ODC1: variants seen among roughly 807,000 people sequenced by gnomAD.
ODC1 encodes the protein ornithine decarboxylase.
ODC1 carries 18 observed loss-of-function variants against 41.5 expected under a neutral mutation model. That is an observed-to-expected ratio of 0.43 (90% CI 0.30 to 0.64). The LOEUF (loss-of-function observed/expected upper bound fraction) is 0.64. Ranked by LOEUF, ODC1 falls within the 30% of genes least tolerant of loss-of-function variation. The pLI, the probability that ODC1 is intolerant of heterozygous loss-of-function variation, is 0.11. For synonymous variants in ODC1, 218 were observed against 211.6 expected (o/e 1.03, Z -0.26); for missense variants, 504 against 589.0 (o/e 0.86, Z 1.49).
rs769066524 is a variant in ODC1, at chr2:10,441,586, A to C, written c.1164T>G (p.Ala388=). The C allele has an allele frequency of 8.7e-6, 14 of 1,614,192 alleles. No homozygotes were observed. The South Asian group carries it at 1.4e-4, about 16-fold the overall frequency. The change falls in exon 11 of 12, where the codon GCT becomes GCG. Residue 388 remains alanine (A), a synonymous_variant. Transcript: ENST00000234111. ...ACGTAGAGGCAGCAGCAACAGTGTA[A>C]GCGCCCATGTTTTCAAAGAGCATCC... ...GDWMLFENMG[A]YTVAAASTFN... is the part of the protein sequence containing the mutation.
rs1470452817 is a variant in ODC1 at position 10,441,928 on chromosome 2, G to C, written c.915C>G (p.Asp305Glu). Reference sequence around the variant, plus strand: ...AGGTCTGCTCACTCGACTCATCTTCGTCTAGAAAGGCAGATCAACAATCTT... The same window carrying C: ...AGGTCTGCTCACTCGACTCATCTTCCTCTAGAAAGGCAGATCAACAATCTT... Reference protein sequence around the residue: ...IVLKEQTGSDDEDESSEQTFM... With the variant: ...IVLKEQTGSDEEDESSEQTFM... Residue 305 changes from aspartate (D) to glutamate (E), a missense_variant and splice_region_variant, in exon 10 of 12, where the codon GAC (aspartate) becomes GAG (glutamate). By Grantham distance (45) the Asp-to-Glu change is conservative (BLOSUM62 2). Transcript: ENST00000234111. 1 of 1,613,718 alleles carries C rather than the reference G, an allele frequency of 6.2e-7. No individual in the cohort carries two copies. The highest frequency in any genetic ancestry group is 8.5e-7 in the Non-Finnish European group (1 of 1,179,830).
rs1671837223 is a variant in ODC1, at chr2:10,441,957, G to A, written c.914-28C>T. 6 of 1,613,006 alleles carry A rather than the reference G, an allele frequency of 3.7e-6. No homozygotes were observed. The East Asian group carries it at 6.7e-5, about 18-fold the overall frequency. ...AGAAAGGCAGATCAACAATCTTAAT[G>A]ACTTTTTGCATCAGCTTTCAGTTAT... On this transcript the variant is annotated intron_variant, in intron 9 of 11. Coordinates refer to ENST00000234111, the MANE Select transcript of ODC1 (RefSeq NM_002539.3).
rs373334646 is a variant in ODC1 at position 10,444,514 on chromosome 2, G to T, written c.236C>A (p.Thr79Asn). ...KCNDSKAIVK[T>N]LAATGTGFDC... ...AAATCCTGTCCCGGTAGCAGCAAGG[G>T]TCTTCACGATGGCTTTGCTATCATT... Residue 79 changes from threonine (T) to asparagine (N), a missense_variant, in exon 4 of 12, where the codon ACC becomes AAC. Coordinates refer to ENST00000234111, the MANE Select transcript of ODC1 (RefSeq NM_002539.3). 3.7e-5 allele frequency: 60 copies of T among 1,613,634 alleles called. No individual in the cohort carries two copies. Among genetic ancestry groups the T allele is most frequent in the Non-Finnish European group, 4.4e-5 (52 of 1,179,932 alleles).
At chr2:10,441,125 T>A (rs968462703) in intron 11 of ODC1, among the ~76,000 whole-genome samples, 4 of 152,126 alleles carry the variant, frequency 2.6e-5, no homozygotes, top group Admixed American at 1.3e-4. Flanking sequence ...ACTAATTTTT[T>A]AATTTTTTGT....
In ODC1 at chr2:10,443,495, T is replaced by C. The variant is rs373045430; in HGVS notation, c.661A>G (p.Met221Val). 11 of 1,613,860 alleles carry C rather than the reference T, an allele frequency of 6.8e-6. No individual in the cohort carries two copies. Among genetic ancestry groups the C allele is most frequent in the Non-Finnish European group, 9.3e-6 (11 of 1,179,820 alleles). The stretch of plus-strand genomic sequence containing the variant: ...ACAGGGTCACGTATACTCACCCCCA[T>C]GTCAAAAACACAGCGGGCATCAGAG... ...AISDARCVFDMGAEVGFSMYL... is the reference protein window; with the variant it reads ...AISDARCVFDVGAEVGFSMYL... Residue 221 changes from methionine (M) to valine (V), a missense_variant, in exon 7 of 12, where the codon ATG becomes GTG. Met to Val is a conservative substitution (Grantham distance 21). Coordinates refer to ENST00000234111, the MANE Select transcript of ODC1 (RefSeq NM_002539.3).
At chr2:10,443,135 A>G (rs908857651) in intron 8 of ODC1, 95 bp downstream of exon 8, 4 of 907,604 alleles carry the variant, frequency 4.4e-6, no homozygotes, top group Non-Finnish European at 7.2e-6. Context: ...ACTTCAGCCC[A>G]TTGTGGTATT....
chr2:10,447,820 A>T (rs1672080597), intron 1 of ODC1: 1 of 152,190 alleles, frequency 6.6e-6, no homozygotes, highest in Non-Finnish European at 1.5e-5. Context: ...CGGCCGCCGA[A>T]GGGTTGGGAA....
rs776409985 is a variant in ODC1 at position 10,443,356 on chromosome 2, C to CA, written c.667-44dup. 1.1e-5 allele frequency: 17 copies of CA among 1,587,684 alleles called. No individual in the cohort carries two copies. The Admixed American group carries it at 2.3e-4, about 21-fold the overall frequency. ...AGTCAGCCAGATCCACAGCTAATAA[C>CA]AAAAATGTATGCAGCAGATAGGCTG... On this transcript the variant is annotated intron_variant, in intron 7 of 11. Coordinates refer to ENST00000234111, the MANE Select transcript of ODC1 (RefSeq NM_002539.3).
rs1272725496 is a variant in ODC1 at position 10,444,577 on chromosome 2, G to A, written c.173C>T (p.Ala58Val). Residue 58 changes from alanine (A) to valine (V), a missense_variant, in exon 4 of 12, where the codon GCT (alanine) becomes GTT (valine). Ala to Val is a moderately conservative substitution (Grantham distance 64). Around this residue, in one of 3 missense-constraint regions of ODC1, gnomAD observed 447 missense variants for 524.4 expected, o/e 0.85. Coordinates refer to ENST00000234111, the MANE Select transcript of ODC1 (RefSeq NM_002539.3). ...ILKKHLRWLK[A>V]LPRVTPFYAV... ...ATAAAAGGGGGTGACACGAGGGAGA[G>A]CTTTTAACCACCTCAGATGTTTCTT... 7 of 1,614,072 alleles carry A rather than the reference G, an allele frequency of 4.3e-6. No homozygotes were observed. The highest frequency in any genetic ancestry group is 2.7e-5 in the African/African-American group (2 of 75,018).
rs1035445866 is a variant in ODC1, at chr2:10,443,823, T to C, written c.463A>G (p.Ile155Val). 2 of 1,613,918 alleles carry C rather than the reference T, an allele frequency of 1.2e-6. No individual in the cohort carries two copies. The highest frequency in any genetic ancestry group is 1.1e-5 in the South Asian group (1 of 91,066). ...ACTGCTTTGGAATCATCAGTGGCAA[T>C]CCGCAAAACCAACCTACAAGCAAGG... ...AHPKAKLVLR[I>V]ATDDSKAVCR... The change falls in exon 6 of 12, where the codon ATT (isoleucine) becomes GTT (valine). Residue 155 changes from isoleucine (I) to valine (V), a missense_variant. Physicochemically the swap from Ile to Val is conservative, Grantham distance 29. This residue lies in a region of ODC1 where 447 missense variants were observed against 524.4 expected (regional missense o/e 0.85). Transcript: ENST00000234111.
In ODC1 at chr2:10,445,185, A is replaced by C. The variant is rs2302614; in HGVS notation, c.-48T>G. The C allele has an allele frequency of 0.12, 66,558 of 574,910 alleles. 8,751 individuals are homozygous for C. Among genetic ancestry groups the C allele is most frequent in the East Asian group, 0.55 (18,241 of 33,468 alleles). 35.6% of individuals were successfully genotyped at this position (574,910 alleles called of 1,614,324 possible). The stretch of plus-strand genomic sequence containing the variant: ...AAACTAAGAGATGGAATTGAAAGAA[A>C]TATTTCCAGCTTCTCACAAAGGCAA... On this transcript the variant is annotated 5_prime_UTR_variant, in exon 2 of 12. Coordinates refer to ENST00000234111, the MANE Select transcript of ODC1 (RefSeq NM_002539.3).
chr2:10,444,219 T>G lies in ODC1; in HGVS notation c.325A>C (p.Ile109Leu). 6.2e-7 allele frequency: 1 copy of G among 1,611,330 alleles called. No homozygotes were observed. Among genetic ancestry groups the G allele is most frequent in the Non-Finnish European group, 8.5e-7 (1 of 1,179,086 alleles). The change falls in exon 5 of 12, where the codon ATC (isoleucine) becomes CTC (leucine). Residue 109 changes from isoleucine to leucine, a missense_variant. Physicochemically the swap from Ile to Leu is conservative, Grantham distance 5. Coordinates refer to ENST00000234111, the MANE Select transcript of ODC1 (RefSeq NM_002539.3). The stretch of plus-strand genomic sequence containing the variant: ...ACTTGTTTACAAGGATTTGCATAGA[T>G]AATCCTCTCTGGAGGCACCCCCAGA... ...QSLGVPPERI[I>L]YANPCKQVSQ...
At chr2:10,444,381 T>A in intron 4 of ODC1, 93 bp downstream of exon 4, 1 of 1,507,498 alleles carries the variant, frequency 6.6e-7, no homozygotes, top group East Asian at 2.3e-5. Context: ...TTAGTGAGCA[T>A]TTATTGCCCA....
At position 10,443,529 on chromosome 2, in the gene ODC1, C is replaced by A. The variant is rs764510141; in HGVS notation, c.627G>T (p.Val209=). 1 of 1,614,046 alleles carries A rather than the reference C, an allele frequency of 6.2e-7. No homozygotes were observed. The highest frequency in any genetic ancestry group is 1.7e-5 in the Admixed American group (1 of 60,010). Residue 209 remains valine (V), a synonymous_variant, in exon 7 of 12, where the codon GTG becomes GTT. Coordinates refer to ENST00000234111, the MANE Select transcript of ODC1 (RefSeq NM_002539.3). ...GSGCTDPETF[V]QAISDARCVF... ...CACAGCGGGCATCAGAGATTGCCTG[C>A]ACGAAGGTCTCAGGATCGGTACAGC...
chr2:10,446,716 C>G (rs1672025578), intron 1 of ODC1: 2 of 445,926 alleles, frequency 4.5e-6, no homozygotes, highest in Non-Finnish European at 8.6e-6. Context: ...TTCTTTTCCA[C>G]TGTGCAACCC....
chr2:10,440,669 C>T lies in ODC1; in HGVS notation c.*55G>A. ...TAGCAGTAATTAAGTTACATGGTCC[C>T]CCCAAATCCCTTAATTCAAGCTAAA... On this transcript the variant is annotated 3_prime_UTR_variant, in exon 12 of 12. Coordinates refer to ENST00000234111, the MANE Select transcript of ODC1 (RefSeq NM_002539.3). 1 of 1,574,098 alleles carries T rather than the reference C, an allele frequency of 6.4e-7. No individual in the cohort carries two copies. Among genetic ancestry groups the T allele is most frequent in the Non-Finnish European group, 8.7e-7 (1 of 1,150,250 alleles).
At chr2:10,444,873 G>T in intron 3 of ODC1, 58 bp downstream of exon 3, 1 of 1,306,494 alleles carries the variant, frequency 7.7e-7, no homozygotes. Flanking sequence ...CCTTGCCAAA[G>T]TTTTCCACTT....
chr2:10,443,918 TAA>T, intron 5 of ODC1, 82 bp from the exon 6 acceptor site: 1 of 1,572,458 alleles, frequency 6.4e-7, no homozygotes, highest in South Asian at 1.1e-5. Flanking sequence ...AATCCTGTTC[TAA>T]ATACTGTCGC....
At position 10,442,070 on chromosome 2, in the gene ODC1, C is replaced by T. The variant is rs28362407; in HGVS notation, c.855G>A (p.Thr285=). 9,163 of 1,614,024 alleles carry T rather than the reference C, an allele frequency of 5.7e-3. 484 individuals carry two copies. In the African/African-American group the frequency reaches 0.11, roughly 19 times the overall value. Residue 285 remains threonine, a synonymous_variant, in exon 9 of 12, where the codon ACG becomes ACA. Transcript: ENST00000234111. The part of the protein sequence containing the change: ...PGRYYVASAF[T]LAVNIIAKKI... ...TCTTGGCAATGATATTAACTGCAAG[C>T]GTGAAAGCTGATGCAACATAGTATC...
Sources: gnomAD v4.1 joint callset for allele counts (sites outside exome capture counted in the v4.1 genomes callset) on GRCh38, gnomAD v4.1.1 for gene constraint, gnomAD v4.1.1 regional missense constraint, MANE v1.5 for transcripts, NCBI Gene and HGNC (gene_info 2026-07-23, HGNC 2026-07-21) for gene names.